The following FBLN1 variants were observed in gnomAD, a reference collection of about 807,000 sequenced individuals.
The protein encoded by FBLN1 is fibulin-1.
In FBLN1, 34 loss-of-function variants were observed where a neutral mutation model predicts 89.7. The ratio of observed to expected loss-of-function variants is 0.38; its 90% CI spans 0.29 to 0.50. The LOEUF (loss-of-function observed/expected upper bound fraction) is 0.50. Among genes scored for constraint, FBLN1 ranks in the 20% least tolerant of loss-of-function variants. The pLI is 0.92. For synonymous variants in FBLN1, 393 were observed against 391.3 expected, an observed-to-expected ratio of 1.00 and a Z score of -0.05; for missense variants, 777 against 988.1, an observed-to-expected ratio of 0.79 and a Z score of 2.86.
chr22:45,585,941 ACT>A (rs375618445), intron 16 of FBLN1, among the ~76,000 whole-genome samples: 21 of 151,586 alleles, frequency 1.4e-4, no homozygotes, highest in African/African-American at 5.1e-4. Context: ...AGATACCAAA[ACT>A]CTCAGAAGTC....
Position 45,576,829 on chromosome 22 carries a change from C to G in FBLN1, c.1841-148C>G. 1 of 914,108 alleles carries G rather than the reference C, an allele frequency of 1.1e-6. No individual in the cohort carries two copies. The highest frequency in any genetic ancestry group is 1.7e-6 in the Non-Finnish European group (1 of 581,394). 56.6% of individuals were successfully genotyped at this position (914,108 alleles called of 1,614,324 possible). A position where few individuals can be genotyped will look rare whatever the true frequency, so the allele number is the denominator to read the frequency against. ...TCCAGACCCCTCCACCCTCCCCACA[C>G]AGGGGATCTCTGGCTTCATTGATGT... On this transcript the variant is annotated intron_variant, in intron 15 of 16. Coordinates refer to ENST00000327858, the MANE Select transcript of FBLN1 (RefSeq NM_006486.3). The surrounding 1 kb of genome is among the most constrained non-coding windows in gnomAD (Gnocchi z 5.2).
At chr22:45,513,273 C>T (rs713741) in intron 1 of FBLN1, among the ~76,000 whole-genome samples, 83,451 of 151,280 alleles carry the variant, frequency 0.55, 23,332 homozygotes, top group East Asian at 0.8. Flanking sequence ...TGGTAAAATA[C>T]GCATCACATG....
Position 45,563,368 on chromosome 22 carries a change from G to A in FBLN1, c.1698-11143G>A, listed in dbSNP as rs1371782253. The A allele has an allele frequency of 2.2e-5, 34 of 1,563,308 alleles. No homozygotes were observed. The highest frequency in any genetic ancestry group is 1.3e-4 in the Admixed American group (7 of 53,206). ...GCAAGCGTCCCACACAGTGAGCCTC[G>A]CGTGCCTTGGTTTTATTTGGCATGG... On this transcript the variant is annotated intron_variant, in intron 14 of 16. Transcript: ENST00000327858. The surrounding 1 kb of genome is among the most constrained non-coding windows in gnomAD (Gnocchi z 5.7).
rs1167853522 is a variant in FBLN1 at position 45,574,452 on chromosome 22, C to G, written c.1698-59C>G. The G allele has an allele frequency of 6.2e-7, 1 of 1,606,754 alleles. No individual in the cohort carries two copies. Among genetic ancestry groups the G allele is most frequent in the Non-Finnish European group, 8.5e-7 (1 of 1,174,686 alleles). ...TGCTCCTCCTCCCTAGACCTCGGCC[C>G]CTGTGGGAGCTGCTGTCCCAGCTTC... On this transcript the variant is annotated intron_variant, in intron 14 of 16. Coordinates refer to ENST00000327858, the MANE Select transcript of FBLN1 (RefSeq NM_006486.3). The surrounding 1 kb of genome is among the most constrained non-coding windows in gnomAD (Gnocchi z 4.1).
At position 45,536,997 on chromosome 22, in the gene FBLN1, G is replaced by A. The variant is rs1014788454; in HGVS notation, c.922+1660G>A. ...GTCAGGTTAACTGCCTGGCTAGGCCGCTGCAGTCAGCGCTTAAGTCCTGAT... is the reference window on the plus strand; with the variant it reads ...GTCAGGTTAACTGCCTGGCTAGGCCACTGCAGTCAGCGCTTAAGTCCTGAT... On this transcript the variant is annotated intron_variant, in intron 8 of 16. Transcript: ENST00000327858. This position sits in a 1 kb window ranked among gnomAD's most constrained non-coding sequence, Gnocchi z 5.1. 4.6e-5 allele frequency among the ~76,000 whole-genome samples: 7 copies of A among 152,198 alleles called. No homozygotes were observed. The highest frequency in any genetic ancestry group is 7.3e-5 in the Non-Finnish European group (5 of 68,036).
At chr22:45,509,348 T>G (rs1236533352) in intron 1 of FBLN1, among the ~76,000 whole-genome samples, 1 of 152,154 alleles carries the variant, frequency 6.6e-6, no homozygotes, top group Non-Finnish European at 1.5e-5. Context: ...TACCTTCTGC[T>G]CCTTCTCTCT....
At chr22:45,592,091 C>T (rs186546090) in intron 16 of FBLN1, among the ~76,000 whole-genome samples, 29 of 152,254 alleles carry the variant, frequency 1.9e-4, no homozygotes, top group Middle Eastern at 3.4e-3. Context: ...TGGACGGAAA[C>T]CTGCGGCCCT....
At chr22:45,569,706 A>C (rs1379153939) in intron 14 of FBLN1, among the ~76,000 whole-genome samples, 2 of 152,108 alleles carry the variant, frequency 1.3e-5, no homozygotes, top group Non-Finnish European at 2.9e-5. Flanking sequence ...ACATGCACAG[A>C]GGGAAGACCA....
intron 10 of FBLN1, among the ~76,000 whole-genome samples, chr22:45,542,940 C>T (rs1278273944): frequency 1.3e-5 from 2 of 152,230 alleles, no homozygotes. Flanking sequence ...CCCGCATGCT[C>T]GGGACAAGTC....
At chr22:45,593,904 G>T (rs2089160832) in intron 16 of FBLN1, among the ~76,000 whole-genome samples, 1 of 152,206 alleles carries the variant, frequency 6.6e-6, no homozygotes, top group Non-Finnish European at 1.5e-5. Context: ...GGGATGGTGG[G>T]GCAGAAATGA....
Position 45,600,783 on chromosome 22 carries a change from AAAG to A in FBLN1, c.*342_*344del, listed in dbSNP as rs1920926158. The A allele has an allele frequency of 2.6e-6, 1 of 389,286 alleles. No homozygotes were observed. The highest frequency in any genetic ancestry group is 2.3e-5 in the South Asian group (1 of 43,202). 24.1% of individuals were successfully genotyped at this position (389,286 alleles called of 1,614,324 possible). ...TAGGGGGCAGCCAGTCCAAATGCCAAAAGAAGACCAGTTCTTGCCCTGATTGTA... is the reference window on the plus strand; with the variant it reads ...TAGGGGGCAGCCAGTCCAAATGCCAAAAGACCAGTTCTTGCCCTGATTGTA... On this transcript the variant is annotated 3_prime_UTR_variant, in exon 17 of 17. Transcript: ENST00000327858.
rs774464064 is a variant in FBLN1, at chr22:45,533,887, A to G, written c.773A>G (p.Asn258Ser). The change falls in exon 7 of 17, where the codon AAT becomes AGT. Residue 258 changes from asparagine (N) to serine (S), a missense_variant. Coordinates refer to ENST00000327858, the MANE Select transcript of FBLN1 (RefSeq NM_006486.3). The stretch of plus-strand genomic sequence containing the variant: ...ACTGGCTATGAGCTCACAGAGGACA[A>G]TAGCTGCAAAGGTACAGCATGCGCT... ...CGTGYELTED[N>S]SCKDIDECES... is the part of the protein sequence containing the mutation. The G allele has an allele frequency of 1.9e-6, 3 of 1,614,112 alleles. No individual in the cohort carries two copies. Among genetic ancestry groups the G allele is most frequent in the Admixed American group, 3.3e-5 (2 of 60,030 alleles).
rs746198799 is a variant in FBLN1, at chr22:45,541,237, G to GC, written c.931_932insC (p.Glu311AlafsTer46). On this transcript the variant is annotated frameshift_variant, in exon 9 of 17. Coordinates refer to ENST00000327858, the MANE Select transcript of FBLN1 (RefSeq NM_006486.3). LOFTEE classifies it high-confidence loss of function. ...GTCTTTTCCCGCTGTAGATATCAAT[G>GC]AGTGTTTGAGTATCAGTGCCCCGTG... The GC allele has an allele frequency of 6.2e-7, 1 of 1,614,240 alleles. No individual in the cohort carries two copies.
intron 1 of FBLN1, among the ~76,000 whole-genome samples, chr22:45,510,877 C>T (rs190366754): frequency 5.3e-5 from 8 of 152,280 alleles, no homozygotes; most frequent in South Asian, 2.1e-4. Flanking sequence ...AGGCAACAAA[C>T]GGTATCTGAG....
chr22:45,513,254 T>C (rs2088124974), intron 1 of FBLN1, among the ~76,000 whole-genome samples: 2 of 152,142 alleles, frequency 1.3e-5, no homozygotes, highest in Non-Finnish European at 2.9e-5. Flanking sequence ...AAAGATGTAC[T>C]TTTTATTGTG....
intron 16 of FBLN1, among the ~76,000 whole-genome samples, chr22:45,582,317 C>T (rs1015247570): frequency 5.9e-5 from 9 of 152,228 alleles, no homozygotes; most frequent in Middle Eastern, 3.2e-3. Context: ...TCCTTTCACA[C>T]AGTCACAGTG....
At position 45,525,571 on chromosome 22, in the gene FBLN1, C is replaced by T; in HGVS notation, c.214C>T (p.Gln72Ter). ...GGTGCAGGAGCAGTGCTGCCACAGC[C>T]AGCTGGAGGAGCTGCACTGTGCCAC... is the stretch of plus-strand genomic sequence containing the variant. The part of the protein sequence containing the change: ...RMVQEQCCHS[Q>*]LEELHCATGI... The change falls in exon 3 of 17, where the codon CAG becomes TAG. Residue 72 changes from glutamine to a stop codon, truncating the protein, a stop_gained. Coordinates refer to ENST00000327858, the MANE Select transcript of FBLN1 (RefSeq NM_006486.3). LOFTEE classifies it high-confidence loss of function. The T allele has an allele frequency of 6.5e-7, 1 of 1,549,868 alleles. No individual in the cohort carries two copies. Among genetic ancestry groups the T allele is most frequent in the Non-Finnish European group, 8.7e-7 (1 of 1,146,840 alleles).
chr22:45,591,969 TGCGCGCC>T (rs2089141219), intron 16 of FBLN1, among the ~76,000 whole-genome samples: 1 of 147,276 alleles, frequency 6.8e-6, no homozygotes, highest in African/African-American at 2.5e-5. Context: ...GGAAGTGTCC[TGCGCGCC>T]ATTTTGCAGA....
Position 45,534,609 on chromosome 22 carries a change from C to T in FBLN1, c.785-591C>T, listed in dbSNP as rs191568047. Among the ~76,000 whole-genome samples the T allele has an allele frequency of 1.1e-4, 16 of 152,330 alleles. No individual in the cohort carries two copies. The East Asian group carries it at 2.7e-3, about 26-fold the overall frequency. The stretch of plus-strand genomic sequence containing the variant: ...ATGAGAGTGACTTCAAAGCATGGCA[C>T]ACCCCTTCTGACATCTGAGGGCCAC... On this transcript the variant is annotated intron_variant, in intron 7 of 16. Coordinates refer to ENST00000327858, the MANE Select transcript of FBLN1 (RefSeq NM_006486.3).
Sources: allele counts gnomAD v4.1 joint callset (sites outside exome capture counted in the v4.1 genomes callset), GRCh38; gene constraint gnomAD v4.1.1; non-coding constraint Gnocchi (gnomAD v3.1); transcripts MANE v1.5; gene names NCBI Gene and HGNC (gene_info 2026-07-23, HGNC 2026-07-21).